RHAG: variants seen among roughly 807,000 people sequenced by gnomAD.
The protein encoded by RHAG is Rh associated glycoprotein, also known as ammonium transporter Rh type A.
RHAG carries 25 observed loss-of-function variants against 42.4 expected under a neutral mutation model. That is an observed-to-expected ratio of 0.59 (90% confidence interval 0.43 to 0.82). RHAG has a LOEUF of 0.82. RHAG is among the 40% of genes least tolerant of loss of function. The pLI is 0.00. For missense variants in RHAG, 483 were observed against 504.6 expected (o/e 0.96, Z 0.41); for synonymous variants, 182 against 177.7 (o/e 1.02, Z -0.19).
At chr6:49,636,582 G>A in intron 1 of RHAG, 74 bp downstream of exon 1, 3 of 1,410,528 alleles carry the variant, frequency 2.1e-6, no homozygotes, top group South Asian at 1.2e-5. Context: ...AGGGTTTATA[G>A]TATTCAATTG....
rs1455600162 is a variant in RHAG at position 49,611,159 on chromosome 6, AG to A, written c.946-15del. On this transcript the variant is annotated splice_polypyrimidine_tract_variant and intron_variant, in intron 6 of 9. Coordinates refer to ENST00000371175, the MANE Select transcript of RHAG (RefSeq NM_000324.3). ...AGTAAAAAGTGGCTAAAATTATAAAAGGAAGAAGGTTTATTATTTAGTTAAA... is the reference window on the plus strand; with the variant it reads ...AGTAAAAAGTGGCTAAAATTATAAAAGAAGAAGGTTTATTATTTAGTTAAA... 6.2e-7 allele frequency: 1 copy of A among 1,606,230 alleles called. No individual in the cohort carries two copies. Among genetic ancestry groups the A allele is most frequent in the Admixed American group, 1.7e-5 (1 of 60,000 alleles).
rs138753087 is a variant in RHAG, at chr6:49,620,359, T to C, written c.158-997A>G. ...AGATAGTGAAAACATGAGCTCTTCCTTCAAGAAACTGACAGTTAAGTTGGT... is the reference window on the plus strand; with the variant it reads ...AGATAGTGAAAACATGAGCTCTTCCCTCAAGAAACTGACAGTTAAGTTGGT... On this transcript the variant is annotated intron_variant, in intron 1 of 9. Transcript: ENST00000371175. 8.0e-3 allele frequency among the ~76,000 whole-genome samples: 1,218 copies of C among 152,332 alleles called. 18 individuals are homozygous for C. Among genetic ancestry groups the C allele is most frequent in the African/African-American group, 0.027 (1,142 of 41,576 alleles).
rs1762563478 is a variant in RHAG at position 49,611,151 on chromosome 6, A to C, written c.946-6T>G. Reference sequence around the variant, plus strand: ...AGTTTAGTAGTAAAAAGTGGCTAAAATTATAAAAGGAAGAAGGTTTATTAT... The same window carrying C: ...AGTTTAGTAGTAAAAAGTGGCTAAACTTATAAAAGGAAGAAGGTTTATTAT... On this transcript the variant is annotated splice_polypyrimidine_tract_variant and splice_region_variant and intron_variant, in intron 6 of 9. Coordinates refer to ENST00000371175, the MANE Select transcript of RHAG (RefSeq NM_000324.3). The C allele has an allele frequency of 6.2e-7, 1 of 1,610,656 alleles. No homozygotes were observed. Among genetic ancestry groups the C allele is most frequent in the Non-Finnish European group, 8.5e-7 (1 of 1,177,488 alleles).
At chr6:49,617,589 CTTTA>C (rs1762675779) in intron 3 of RHAG, among the ~76,000 whole-genome samples, 1 of 151,990 alleles carries the variant, frequency 6.6e-6, no homozygotes, top group Non-Finnish European at 1.5e-5. Flanking sequence ...CCTAAATGTT[CTTTA>C]TTTATTTATT....
intron 5 of RHAG, 93 bp downstream of exon 5, chr6:49,614,594 G>C (rs901950366): frequency 3.9e-6 from 4 of 1,021,696 alleles, no homozygotes; most frequent in Non-Finnish European, 6.2e-6. Flanking sequence ...TGTCTTGAGA[G>C]TTCAGCAGTG....
chr6:49,633,119 A>G (rs1407889401), intron 1 of RHAG, among the ~76,000 whole-genome samples: 2 of 152,248 alleles, frequency 1.3e-5, no homozygotes, highest in African/African-American at 4.8e-5. Context: ...AATACAAGTG[A>G]TGAGAATAAA....
chr6:49,621,910 CTA>C (rs1230051654), intron 1 of RHAG, among the ~76,000 whole-genome samples: 1 of 151,462 alleles, frequency 6.6e-6, no homozygotes, highest in Non-Finnish European at 1.5e-5. Context: ...TAGTCACAAA[CTA>C]GAATAAAAAT....
At chr6:49,631,445 T>C (rs1238711222) in intron 1 of RHAG, among the ~76,000 whole-genome samples, 1 of 152,234 alleles carries the variant, frequency 6.6e-6, no homozygotes, top group African/African-American at 2.4e-5. Context: ...TTATGCAATA[T>C]TTCTATGGGC....
intron 7 of RHAG, 77 bp from the exon 8 acceptor site, chr6:49,607,297 G>A (rs1581935245): frequency 1.8e-6 from 2 of 1,094,124 alleles, no homozygotes; most frequent in African/African-American, 3.1e-5. Flanking sequence ...TGAGGGTGTG[G>A]ATGACTGCCA....
rs1388365129 is a variant in RHAG at position 49,605,849 on chromosome 6, G to C, written c.1213-19C>G. The C allele has an allele frequency of 6.2e-7, 1 of 1,603,940 alleles. No individual in the cohort carries two copies. Among genetic ancestry groups the C allele is most frequent in the Admixed American group, 1.7e-5 (1 of 59,982 alleles). ...TAGGGACCTTTAAAAAAACAAGTTTGAGGGCACTTAATAGTTTATTTCACT... is the reference window on the plus strand; with the variant it reads ...TAGGGACCTTTAAAAAAACAAGTTTCAGGGCACTTAATAGTTTATTTCACT... On this transcript the variant is annotated intron_variant, in intron 9 of 9. Coordinates refer to ENST00000371175, the MANE Select transcript of RHAG (RefSeq NM_000324.3).
At chr6:49,615,255 G>C in intron 4 of RHAG, 1 of 275,208 alleles carries the variant, frequency 3.6e-6, no homozygotes, top group Non-Finnish European at 6.9e-6. Flanking sequence ...CAGCCTGGAG[G>C]ATGTAGTTTC....
Position 49,607,203 on chromosome 6 carries a change from G to C in RHAG, c.1085C>G (p.Ala362Gly). The change falls in exon 8 of 10, where the codon GCA (alanine) becomes GGA (glycine). Residue 362 changes from alanine (A) to glycine (G), a missense_variant. By Grantham distance (60) the Ala-to-Gly change is moderately conservative. Coordinates refer to ENST00000371175, the MANE Select transcript of RHAG (RefSeq NM_000324.3). ...TCCGATAGAGGAACCCAGTGCAGCT[G>C]CCTGCATGGCCATAGACCTAAGGAA... ...GASNTSMAMQAAALGSSIGTA... is the reference protein window; with the variant it reads ...GASNTSMAMQGAALGSSIGTA... 6.2e-7 allele frequency: 1 copy of C among 1,613,524 alleles called. No homozygotes were observed. Among genetic ancestry groups the C allele is most frequent in the Non-Finnish European group, 8.5e-7 (1 of 1,179,704 alleles).
intron 1 of RHAG, among the ~76,000 whole-genome samples, chr6:49,635,324 T>C (rs1260928285): frequency 1.3e-5 from 2 of 152,098 alleles, no homozygotes; most frequent in Non-Finnish European, 2.9e-5. Context: ...TAGATCATAT[T>C]TTTGGCATTT....
chr6:49,628,421 C>T (rs918050188), intron 1 of RHAG, among the ~76,000 whole-genome samples: 21 of 152,120 alleles, frequency 1.4e-4, no homozygotes, highest in Non-Finnish European at 2.9e-4. Context: ...CAGGTGTGTC[C>T]GGAATTGGTG....
intron 7 of RHAG, among the ~76,000 whole-genome samples, chr6:49,608,566 G>A (rs1762514396): frequency 6.6e-6 from 1 of 151,992 alleles, no homozygotes; most frequent in Non-Finnish European, 1.5e-5. Flanking sequence ...TAGTAGAGAT[G>A]GGGTTTCACC....
chr6:49,612,497 G>C lies in RHAG; in HGVS notation c.845C>G (p.Ala282Gly). Residue 282 changes from alanine (A) to glycine (G), a missense_variant, in exon 6 of 10, where the codon GCT becomes GGT. Coordinates refer to ENST00000371175, the MANE Select transcript of RHAG (RefSeq NM_000324.3). ...TGCCATATCCGCACAAGTGCCCACA[G>C]CAACTCCTCCAGCAAGGGTGGCATT... The part of the protein sequence containing the change: ...IQNATLAGGV[A>G]VGTCADMAIH... 2.5e-6 allele frequency: 4 copies of C among 1,614,094 alleles called. No homozygotes were observed. Among genetic ancestry groups the C allele is most frequent in the Non-Finnish European group, 3.4e-6 (4 of 1,180,004 alleles).
In RHAG at chr6:49,612,505, T is replaced by A. The variant is rs1388485438; in HGVS notation, c.837A>T (p.Gly279=). The A allele has an allele frequency of 1.2e-6, 2 of 1,614,062 alleles. No homozygotes were observed. The highest frequency in any genetic ancestry group is 1.7e-6 in the Non-Finnish European group (2 of 1,179,982). Residue 279 remains glycine (G), a synonymous_variant, in exon 6 of 10, where the codon GGA becomes GGT. Coordinates refer to ENST00000371175, the MANE Select transcript of RHAG (RefSeq NM_000324.3). ...CCGCACAAGTGCCCACAGCAACTCC[T>A]CCAGCAAGGGTGGCATTCTGAATGT... ...MVHIQNATLA[G]GVAVGTCADM... is the part of the protein sequence containing the mutation.
In RHAG at chr6:49,608,198, C is replaced by T. The variant is rs188072986; in HGVS notation, c.1068-978G>A. Among the ~76,000 whole-genome samples the T allele has an allele frequency of 9.2e-5, 14 of 152,158 alleles. No homozygotes were observed. In the East Asian group the frequency reaches 1.7e-3, roughly 19 times the overall value. On this transcript the variant is annotated intron_variant, in intron 7 of 9. Coordinates refer to ENST00000371175, the MANE Select transcript of RHAG (RefSeq NM_000324.3). ...TCACATTAAATATGTTTTAGGGATC[C>T]GTTTATGTGAGTCAGTGTAGATCTG... is the stretch of plus-strand genomic sequence containing the variant.
intron 7 of RHAG, among the ~76,000 whole-genome samples, chr6:49,608,810 G>A (rs778131093): frequency 6.6e-6 from 1 of 152,084 alleles, no homozygotes; most frequent in Non-Finnish European, 1.5e-5. Flanking sequence ...GTGAAAAACT[G>A]GTAGCTTGTT....
Sources: allele counts gnomAD v4.1 joint callset (sites outside exome capture counted in the v4.1 genomes callset), GRCh38; gene constraint gnomAD v4.1.1; transcripts MANE v1.5; gene names NCBI Gene and HGNC (gene_info 2026-07-23, HGNC 2026-07-21).